The following TENM2 variants were observed in gnomAD, a reference collection of about 807,000 sequenced individuals.
TENM2 encodes teneurin transmembrane protein 2.
A neutral mutation model predicts 245.2 loss-of-function variants in TENM2; 52 were observed. The observed-to-expected ratio is 0.21, with a 90% CI of 0.17 to 0.27. The LOEUF is 0.27. Ranked by LOEUF, TENM2 falls within the 10% of genes least tolerant of loss-of-function variation. The probability of loss-of-function intolerance (pLI) is 1.00; values close to 1 mark genes in which losing one functional copy is unlikely to be tolerated. For missense variants in TENM2, 3,046 were observed against 3,666.8 expected, an observed-to-expected ratio of 0.83 and a Z score of 4.37; for synonymous variants, 1,363 against 1,438.9, an observed-to-expected ratio of 0.95 and a Z score of 1.19.
chr5:167,499,208 T>C (rs1364776188), intron 2 of TENM2, among the ~76,000 whole-genome samples: 2 of 152,130 alleles, frequency 1.3e-5, no homozygotes, highest in African/African-American at 4.8e-5. Flanking sequence ...GAAAGTATCC[T>C]TTATTGCCCC....
At chr5:168,164,603 G>A (rs1379674298) in intron 13 of TENM2, among the ~76,000 whole-genome samples, 1 of 152,140 alleles carries the variant, frequency 6.6e-6, no homozygotes, top group Non-Finnish European at 1.5e-5. Context: ...AAACCTCTGA[G>A]CTGAATTTCC....
chr5:167,257,018 A>G, the TENM2 span, among the ~76,000 whole-genome samples: 1 of 152,090 alleles, frequency 6.6e-6, no homozygotes, highest in African/African-American at 2.4e-5. Context: ...CAGTAAAGAT[A>G]TCTGCATTTT....
intron 5 of TENM2, among the ~76,000 whole-genome samples, chr5:167,999,922 G>A (rs965629997): frequency 3.3e-5 from 5 of 152,178 alleles, no homozygotes; most frequent in Non-Finnish European, 5.9e-5. Flanking sequence ...AACAACAATG[G>A]TATCGTCTGC....
intron 2 of TENM2, among the ~76,000 whole-genome samples, chr5:167,590,339 G>A (rs956455815): frequency 2.0e-5 from 3 of 151,568 alleles, no homozygotes; most frequent in Non-Finnish European, 4.4e-5. Context: ...CCCATTATAA[G>A]GTTCAATAAA....
At chr5:167,524,534 A>G (rs1449218800) in intron 2 of TENM2, among the ~76,000 whole-genome samples, 1 of 152,136 alleles carries the variant, frequency 6.6e-6, no homozygotes, top group Non-Finnish European at 1.5e-5. Flanking sequence ...CATTCACCTA[A>G]GTAAGAATCA....
intron 1 of TENM2, among the ~76,000 whole-genome samples, chr5:167,321,150 G>A (rs1047167695): frequency 2.6e-5 from 4 of 151,920 alleles, no homozygotes; most frequent in African/African-American, 9.7e-5. Context: ...AAAAATTGAT[G>A]CTCTTCTCTG....
At chr5:167,028,257 TTTAAG>T in the TENM2 span, among the ~76,000 whole-genome samples, 4 of 152,136 alleles carry the variant, frequency 2.6e-5, no homozygotes, top group African/African-American at 4.8e-5. Context: ...CACCATAACA[TTTAAG>T]TTGTTTGTAA....
chr5:167,884,436 A>G (rs890967030), intron 3 of TENM2, among the ~76,000 whole-genome samples: 2 of 152,078 alleles, frequency 1.3e-5, no homozygotes, highest in Admixed American at 1.3e-4. Context: ...GGCAACCACT[A>G]TTTTATTTCT....
intron 14 of TENM2, chr5:168,190,893 G>T (rs903952293): frequency 1.7e-5 from 3 of 177,690 alleles, no homozygotes; most frequent in Non-Finnish European, 3.5e-5. Context: ...AGTGGCTTTT[G>T]TTCGAGCATT....
At chr5:168,023,202 C>T (rs997599360) in intron 5 of TENM2, among the ~76,000 whole-genome samples, 1 of 152,178 alleles carries the variant, frequency 6.6e-6, no homozygotes, top group Non-Finnish European at 1.5e-5. Context: ...CAGAGAGTGT[C>T]GGCAGCCACG....
intron 4 of TENM2, among the ~76,000 whole-genome samples, chr5:167,960,987 C>T (rs745430087): frequency 9.8e-5 from 15 of 152,286 alleles, no homozygotes; most frequent in African/African-American, 2.9e-4. Flanking sequence ...CTGGGTGAGG[C>T]GACGCCCCGC....
At chr5:167,918,774 CTTT>C (rs36028538) in intron 3 of TENM2, among the ~76,000 whole-genome samples, 11 of 141,064 alleles carry the variant, frequency 7.8e-5, no homozygotes, top group Non-Finnish European at 6.2e-5. Context: ...TATTTTTCTC[CTTT>C]TTTTTTTTTT....
intron 2 of TENM2, among the ~76,000 whole-genome samples, chr5:167,574,754 AGGGGCTGATTACCAGTCTCGAGTC>A (rs1333181879): frequency 6.6e-6 from 1 of 152,096 alleles, no homozygotes; most frequent in Non-Finnish European, 1.5e-5. Flanking sequence ...TCAATAATGG[AGGGGCTGATTACCAGTCTCGAGTC>A]GGAACTTTGC....
intron 7 of TENM2, among the ~76,000 whole-genome samples, chr5:168,080,355 AT>A (rs1791877471): frequency 6.6e-6 from 1 of 151,896 alleles, no homozygotes; most frequent in South Asian, 2.1e-4. Flanking sequence ...TGGTCTATCA[AT>A]TTTGTTGATC....
chr5:168,222,016 T>C (rs1266507359), intron 23 of TENM2, among the ~76,000 whole-genome samples: 1 of 152,166 alleles, frequency 6.6e-6, no homozygotes, highest in Non-Finnish European at 1.5e-5. Context: ...GCAAAGCGCT[T>C]GGCATATAGA....
At chr5:167,666,950 T>A (rs1755618149) in intron 2 of TENM2, among the ~76,000 whole-genome samples, 2 of 152,182 alleles carry the variant, frequency 1.3e-5, no homozygotes, top group African/African-American at 2.4e-5. Flanking sequence ...TTCTGGGATA[T>A]GGCACTTCTC....
chr5:167,789,075 G>A (rs1257769288), intron 2 of TENM2, among the ~76,000 whole-genome samples: 1 of 151,996 alleles, frequency 6.6e-6, no homozygotes, highest in Non-Finnish European at 1.5e-5. Context: ...ACTTAGCATT[G>A]CCTCCAATGC....
chr5:167,031,389 A>G, the TENM2 span, among the ~76,000 whole-genome samples: 1 of 152,188 alleles, frequency 6.6e-6, no homozygotes, highest in Non-Finnish European at 1.5e-5. Flanking sequence ...CTGGATTCCC[A>G]CATAACACCA....
At chr5:167,852,918 T>C (rs1770714927) in intron 2 of TENM2, among the ~76,000 whole-genome samples, 1 of 152,116 alleles carries the variant, frequency 6.6e-6, no homozygotes, top group South Asian at 2.1e-4. Flanking sequence ...TGTTTATTGG[T>C]ATTATGATTT....
Sources: allele counts gnomAD v4.1 joint callset (sites outside exome capture counted in the v4.1 genomes callset), GRCh38; gene constraint gnomAD v4.1.1; transcripts MANE v1.5; gene names NCBI Gene and HGNC (gene_info 2026-07-23, HGNC 2026-07-21).